FAM107B: variants seen among roughly 807,000 people sequenced by gnomAD.
FAM107B encodes family with sequence similarity 107 member B.
A neutral mutation model predicts 31.5 loss-of-function variants in FAM107B; 21 were observed. The ratio of observed to expected loss-of-function variants is 0.67; its 90% CI spans 0.47 to 0.96. The LOEUF (loss-of-function observed/expected upper bound fraction) is 0.96, where lower values mean the gene tolerates loss of function less well. Among genes scored for constraint, FAM107B ranks in the 40% least tolerant of loss-of-function variants. The pLI is 0.00. For synonymous variants in FAM107B, 157 were observed against 141.5 expected, an observed-to-expected ratio of 1.11 and a Z score of -0.78; for missense variants, 452 against 377.1, an observed-to-expected ratio of 1.20 and a Z score of -1.64.
intron 1 of FAM107B, among the ~76,000 whole-genome samples, chr10:14,725,576 T>C (rs1856012636): frequency 6.6e-6 from 1 of 151,524 alleles, no homozygotes; most frequent in Non-Finnish European, 1.5e-5. Flanking sequence ...GTCTTCTGAT[T>C]GTATCCTCAC....
At chr10:14,641,729 T>A (rs932124544) in intron 2 of FAM107B, among the ~76,000 whole-genome samples, 24 of 152,198 alleles carry the variant, frequency 1.6e-4, no homozygotes, top group African/African-American at 5.3e-4. Flanking sequence ...AAATGCCCTA[T>A]CTCCAAATAC....
At chr10:14,609,073 T>C (rs1170321597) in intron 2 of FAM107B, among the ~76,000 whole-genome samples, 4 of 152,232 alleles carry the variant, frequency 2.6e-5, no homozygotes, top group Admixed American at 1.3e-4. Context: ...AGAAAATAGT[T>C]AATTTCTGCT....
intron 1 of FAM107B, among the ~76,000 whole-genome samples, chr10:14,692,967 T>C (rs1017529001): frequency 3.3e-5 from 5 of 152,214 alleles, no homozygotes; most frequent in African/African-American, 1.2e-4. Context: ...CACAGGGCTA[T>C]GACGATCCAT....
At chr10:14,608,789 C>A (rs1183335723) in intron 2 of FAM107B, among the ~76,000 whole-genome samples, 1 of 152,092 alleles carries the variant, frequency 6.6e-6, no homozygotes, top group Non-Finnish European at 1.5e-5. Context: ...AGAAAGAGAC[C>A]CCCCTTGATG....
At chr10:14,598,330 G>C (rs2131362615) in intron 2 of FAM107B, among the ~76,000 whole-genome samples, 1 of 152,206 alleles carries the variant, frequency 6.6e-6, no homozygotes, top group Non-Finnish European at 1.5e-5. Flanking sequence ...CAGATGAATG[G>C]GTAAACACAT....
At chr10:14,734,888 G>C (rs549616733) in intron 1 of FAM107B, among the ~76,000 whole-genome samples, 1 of 152,242 alleles carries the variant, frequency 6.6e-6, no homozygotes, top group South Asian at 2.1e-4. Context: ...GGACACAGTT[G>C]TATAAATCCC....
intron 1 of FAM107B, among the ~76,000 whole-genome samples, chr10:14,677,699 T>C (rs1477691395): frequency 6.6e-6 from 1 of 151,892 alleles, no homozygotes; most frequent in Admixed American, 6.6e-5. Flanking sequence ...TAGTGTGGGT[T>C]GGTCAGTGAC....
rs757341337 is a variant in FAM107B at position 14,530,340 on chromosome 10, A to G, written c.645T>C (p.Asn215=). 1 of 1,598,922 alleles carries G rather than the reference A, an allele frequency of 6.3e-7. No homozygotes were observed. The highest frequency in any genetic ancestry group is 8.5e-7 in the Non-Finnish European group (1 of 1,175,786). The change falls in exon 3 of 5, where the codon AAT becomes AAC. Residue 215 remains asparagine, a synonymous_variant. Coordinates refer to ENST00000181796, the MANE Select transcript of FAM107B (RefSeq NM_031453.4). ...HQDLHRELLM[N]QKRGLAPQNK... ...TCAAGAAACCATTTTACCTTTTTTG[A>G]TTCATAAGAAGTTCTCTGTGAAGAT...
At chr10:14,644,351 A>G (rs2131437072) in intron 2 of FAM107B, among the ~76,000 whole-genome samples, 1 of 152,298 alleles carries the variant, frequency 6.6e-6, no homozygotes, top group African/African-American at 2.4e-5. Context: ...ATTTCTATCT[A>G]TTGTATAGAT....
chr10:14,606,883 T>C (rs941012638), intron 2 of FAM107B, among the ~76,000 whole-genome samples: 2 of 152,188 alleles, frequency 1.3e-5, no homozygotes, highest in Admixed American at 1.3e-4. Context: ...TGTGGGAAAA[T>C]GAAATGTCTT....
At chr10:14,705,165 C>T (rs900516119) in intron 1 of FAM107B, among the ~76,000 whole-genome samples, 12 of 151,810 alleles carry the variant, frequency 7.9e-5, no homozygotes, top group East Asian at 1.9e-4. Context: ...CAATGAGATA[C>T]GACTTTCACA....
intron 2 of FAM107B, among the ~76,000 whole-genome samples, chr10:14,606,835 T>C (rs2131386002): frequency 6.6e-6 from 1 of 152,292 alleles, no homozygotes; most frequent in South Asian, 2.1e-4. Flanking sequence ...AAACCAACCC[T>C]ACTGCCATCT....
intron 1 of FAM107B, among the ~76,000 whole-genome samples, chr10:14,746,626 A>G (rs1004704654): frequency 6.6e-6 from 1 of 152,290 alleles, no homozygotes; most frequent in East Asian, 1.9e-4. Context: ...TTGACCCCCA[A>G]TGTCTTTTGA....
chr10:14,549,744 C>T (rs1382696724), intron 2 of FAM107B, among the ~76,000 whole-genome samples: 4 of 152,164 alleles, frequency 2.6e-5, no homozygotes, highest in African/African-American at 9.7e-5. Flanking sequence ...GTCACCCCAT[C>T]ACAGCACACC....
At chr10:14,527,184 CAAAA>C (rs200742738) in intron 3 of FAM107B, among the ~76,000 whole-genome samples, 1 of 124,382 alleles carries the variant, frequency 8.0e-6, no homozygotes. Flanking sequence ...ATCTTTTAAC[CAAAA>C]AAAAAAAAAA....
chr10:14,625,745 A>G (rs1853143773), intron 2 of FAM107B, among the ~76,000 whole-genome samples: 1 of 151,272 alleles, frequency 6.6e-6, no homozygotes, highest in Non-Finnish European at 1.5e-5. Flanking sequence ...GCTTAGAAGG[A>G]AAAAAAAAGT....
At chr10:14,623,761 G>A (rs1314084851) in intron 2 of FAM107B, among the ~76,000 whole-genome samples, 1 of 152,166 alleles carries the variant, frequency 6.6e-6, no homozygotes, top group African/African-American at 2.4e-5. Context: ...GGGAGGAGGA[G>A]GCCGCAGTGA....
intron 2 of FAM107B, among the ~76,000 whole-genome samples, chr10:14,559,157 G>C (rs1012498617): frequency 6.6e-6 from 1 of 151,326 alleles, no homozygotes. Context: ...AGCACAGGGA[G>C]CAGAGAAGAG....
chr10:14,531,336 T>C (rs564369128), intron 2 of FAM107B, among the ~76,000 whole-genome samples: 4 of 151,182 alleles, frequency 2.6e-5, no homozygotes, highest in African/African-American at 9.7e-5. Flanking sequence ...CTGGGCAACA[T>C]AGCAAGACCC....
Sources: allele counts gnomAD v4.1 joint callset (sites outside exome capture counted in the v4.1 genomes callset), GRCh38; gene constraint gnomAD v4.1.1; transcripts MANE v1.5; gene names NCBI Gene and HGNC (gene_info 2026-07-23, HGNC 2026-07-21).